The following FLRT2 variants were observed in gnomAD, a reference collection of about 807,000 sequenced individuals.
FLRT2 encodes the protein fibronectin leucine rich transmembrane protein 2, also known as leucine-rich repeat transmembrane protein FLRT2.
Under a neutral mutation model 40.0 loss-of-function variants are expected in FLRT2, and 15 were observed. The ratio of observed to expected loss-of-function variants is 0.38; its 90% confidence interval spans 0.25 to 0.58. The LOEUF (loss-of-function observed/expected upper bound fraction) is 0.58. Ranked by LOEUF, FLRT2 falls within the 20% of genes least tolerant of loss-of-function variation. The probability of loss-of-function intolerance (pLI) is 0.71; values close to 1 mark genes in which losing one functional copy is unlikely to be tolerated. For synonymous variants in FLRT2, 380 were observed against 336.8 expected, an observed-to-expected ratio of 1.13 and a Z score of -1.41; for missense variants, 726 against 840.0, an observed-to-expected ratio of 0.86 and a Z score of 1.68.
rs1252425204 is a variant in FLRT2 at position 85,638,010 on chromosome 14, T to C, written c.*14513T>C. The C allele has an allele frequency of 1.3e-5, 2 of 152,208 alleles. No individual in the cohort carries two copies. Among genetic ancestry groups the C allele is most frequent in the African/African-American group, 4.8e-5 (2 of 41,462 alleles). The allele number at this position is 152,208 out of a possible 1,614,324, so 9.4% of individuals were successfully genotyped here. ...ATACCAGGCATCACTACAAAATGTA[T>C]ACACATTACCTAGATTTTCAAGAAG... On this transcript the variant is annotated 3_prime_UTR_variant, in exon 2 of 2. Coordinates refer to ENST00000330753, the MANE Select transcript of FLRT2 (RefSeq NM_013231.6).
intron 1 of FLRT2, among the ~76,000 whole-genome samples, chr14:85,564,878 T>C (rs1420360614): frequency 6.6e-6 from 1 of 152,224 alleles, no homozygotes; most frequent in Non-Finnish European, 1.5e-5. Context: ...ATTTATCATG[T>C]GATCACTAGT....
chr14:85,550,130 C>T (rs1302969878), intron 1 of FLRT2, among the ~76,000 whole-genome samples: 1 of 152,094 alleles, frequency 6.6e-6, no homozygotes, highest in Non-Finnish European at 1.5e-5. Flanking sequence ...AGAGAAAGTG[C>T]TCTTAAAAAC....
intron 1 of FLRT2, among the ~76,000 whole-genome samples, chr14:85,593,658 G>T (rs1019562663): frequency 1.3e-5 from 2 of 152,028 alleles, no homozygotes; most frequent in African/African-American, 4.8e-5. Flanking sequence ...GTTTCTTTTG[G>T]CTATTTAGCA....
chr14:85,596,378 A>G (rs560283893), intron 1 of FLRT2, among the ~76,000 whole-genome samples: 1 of 152,196 alleles, frequency 6.6e-6, no homozygotes, highest in Admixed American at 6.5e-5. Context: ...TACACTTTTC[A>G]TGTCGCTCTG....
In FLRT2 at chr14:85,622,504, A is replaced by G. The variant is rs17121377; in HGVS notation, c.990A>G (p.Ser330=). 4.4e-3 allele frequency: 7,052 copies of G among 1,614,052 alleles called. 284 individuals carry two copies. The African/African-American group carries it at 0.083, about 19-fold the overall frequency. ...WVTEWLKYIP[S]SLNVRGFMCQ... ...CAGAATGGCTCAAATATATCCCTTCATCTCTCAACGTGCGGGGTTTCATGT... is the reference window on the plus strand; with the variant it reads ...CAGAATGGCTCAAATATATCCCTTCGTCTCTCAACGTGCGGGGTTTCATGT... The change falls in exon 2 of 2, where the codon TCA becomes TCG. Residue 330 remains serine, a synonymous_variant. Transcript: ENST00000330753.
chr14:85,560,568 G>A (rs1280082890), intron 1 of FLRT2, among the ~76,000 whole-genome samples: 3 of 151,646 alleles, frequency 2.0e-5, no homozygotes, highest in Non-Finnish European at 2.9e-5. Flanking sequence ...GCTGCAGAGC[G>A]AGACTCCATC....
In FLRT2 at chr14:85,648,562, G is replaced by A. The variant is rs1894361782; in HGVS notation, c.*25065G>A. The A allele has an allele frequency of 6.6e-6, 1 of 152,176 alleles. No individual in the cohort carries two copies. Among genetic ancestry groups the A allele is most frequent in the South Asian group, 2.1e-4 (1 of 4,832 alleles). 9.4% of individuals were successfully genotyped at this position (152,176 alleles called of 1,614,324 possible). On this transcript the variant is annotated 3_prime_UTR_variant, in exon 2 of 2. Coordinates refer to ENST00000330753, the MANE Select transcript of FLRT2 (RefSeq NM_013231.6). ...CTGATTCCCAGAGAGCAATCACTCA[G>A]ATGTGCTCTTGTACTTAATACTTCC...
At chr14:85,558,346 A>G (rs561078199) in intron 1 of FLRT2, among the ~76,000 whole-genome samples, 3 of 152,312 alleles carry the variant, frequency 2.0e-5, no homozygotes, top group African/African-American at 7.2e-5. Flanking sequence ...TTTTAAAAAA[A>G]GTAAATAAGG....
rs2139369316 is a variant in FLRT2, at chr14:85,621,471, T to G, written c.-44T>G. 1 of 1,526,378 alleles carries G rather than the reference T, an allele frequency of 6.6e-7. No individual in the cohort carries two copies. The highest frequency in any genetic ancestry group is 2.3e-5 in the East Asian group (1 of 44,154). 94.6% of individuals were successfully genotyped at this position (1,526,378 alleles called of 1,614,324 possible). On this transcript the variant is annotated 5_prime_UTR_variant, in exon 2 of 2. Transcript: ENST00000330753. ...TTTTGCTGTTTATTTTTTTTTTCTT[T>G]TTCTTTTTCCCACCACATTGTATTT... is the stretch of plus-strand genomic sequence containing the variant.
chr14:85,626,896 T>C lies in FLRT2; in HGVS notation c.*3399T>C, dbSNP rs1052165928. ...CATTTTCTACTAGCACCTATCATAA[T>C]GGTCTTAGTCATTTCACACAAATCA... On this transcript the variant is annotated 3_prime_UTR_variant, in exon 2 of 2. Transcript: ENST00000330753. The C allele has an allele frequency of 4.2e-5, 7 of 167,126 alleles. No homozygotes were observed. In the Admixed American group the frequency reaches 4.6e-4, roughly 11 times the overall value. The allele number at this position is 167,126 out of a possible 1,614,324, so 10.4% of individuals were successfully genotyped here. A position where few individuals can be genotyped will look rare whatever the true frequency, so the allele number is the denominator to read the frequency against.
Position 85,639,942 on chromosome 14 carries a change from G to A in FLRT2, c.*16445G>A, listed in dbSNP as rs999698526. ...CGACTCACTGCAAGCTCCGCCTTCC[G>A]AGTTCACACCATTCTCCTGCCTCAG... On this transcript the variant is annotated 3_prime_UTR_variant, in exon 2 of 2. Coordinates refer to ENST00000330753, the MANE Select transcript of FLRT2 (RefSeq NM_013231.6). 3.5e-5 allele frequency: 5 copies of A among 141,182 alleles called. No individual in the cohort carries two copies. Among genetic ancestry groups the A allele is most frequent in the Non-Finnish European group, 1.5e-5 (1 of 66,634 alleles). 8.7% of individuals were successfully genotyped at this position (141,182 alleles called of 1,614,324 possible). A position where few individuals can be genotyped will look rare whatever the true frequency, so the allele number is the denominator to read the frequency against.
intron 1 of FLRT2, among the ~76,000 whole-genome samples, chr14:85,614,373 AT>A (rs11291824): frequency 0.85 from 127,494 of 150,268 alleles, 54,158 homozygotes; most frequent in East Asian, 0.93. Context: ...CCCCTTTGAA[AT>A]TAAAAAAAAA....
chr14:85,592,522 G>T (rs536388715), intron 1 of FLRT2, among the ~76,000 whole-genome samples: 1 of 152,062 alleles, frequency 6.6e-6, no homozygotes, highest in Admixed American at 6.6e-5. Flanking sequence ...GTGCAGTGGC[G>T]CAACGGCTGT....
At chr14:85,573,225 G>A (rs1219402077) in intron 1 of FLRT2, among the ~76,000 whole-genome samples, 2 of 151,536 alleles carry the variant, frequency 1.3e-5, no homozygotes, top group Non-Finnish European at 2.9e-5. Context: ...GCTAAGAGAG[G>A]GAGACCCTCC....
Position 85,623,327 on chromosome 14 carries a change from A to T in FLRT2, c.1813A>T (p.Thr605Ser). 6.6e-7 allele frequency: 1 copy of T among 1,516,144 alleles called. No homozygotes were observed. The highest frequency in any genetic ancestry group is 8.8e-7 in the Non-Finnish European group (1 of 1,133,468). The allele number at this position is 1,516,144 out of a possible 1,614,324, so 93.9% of individuals were successfully genotyped here. Residue 605 changes from threonine to serine, a missense_variant, in exon 2 of 2, where the codon ACC (threonine) becomes TCC (serine). By Grantham distance (58) the Thr-to-Ser change is moderately conservative. Around this residue, in one of 3 missense-constraint regions of FLRT2, gnomAD observed 611 missense variants for 690.0 expected, o/e 0.89. Transcript: ENST00000330753. ...KDNSILEMTE[T>S]SFQIVSLNND... ...CAACTCCATCCTGGAGATGACAGAA[A>T]CCAGTTTTCAGATCGTCTCCTTAAA...
At chr14:85,585,610 G>T (rs1010206373) in intron 1 of FLRT2, among the ~76,000 whole-genome samples, 1 of 152,154 alleles carries the variant, frequency 6.6e-6, no homozygotes, top group African/African-American at 2.4e-5. Context: ...ATGCATGTGC[G>T]TGTGTATAGA....
At position 85,636,400 on chromosome 14, in the gene FLRT2, A is replaced by AC. The variant is rs1555373236; in HGVS notation, c.*12903_*12904insC. 6 of 145,616 alleles carry AC rather than the reference A, an allele frequency of 4.1e-5. No individual in the cohort carries two copies. Among genetic ancestry groups the AC allele is most frequent in the South Asian group, 2.2e-4 (1 of 4,498 alleles). The allele number at this position is 145,616 out of a possible 1,614,324, so 9.0% of individuals were successfully genotyped here. A position where few individuals can be genotyped will look rare whatever the true frequency, so the allele number is the denominator to read the frequency against. ...GTGAAGTCACCTGCAGAAAAAAAAA[A>AC]AAAAAAAACAAAAAACATTCTTATT... On this transcript the variant is annotated 3_prime_UTR_variant, in exon 2 of 2. Coordinates refer to ENST00000330753, the MANE Select transcript of FLRT2 (RefSeq NM_013231.6).
intron 1 of FLRT2, among the ~76,000 whole-genome samples, chr14:85,609,529 A>G (rs533156693): frequency 9.8e-4 from 149 of 152,278 alleles, no homozygotes; most frequent in Middle Eastern, 3.4e-3. Flanking sequence ...TTCACCGGGA[A>G]TTTGTTTCAT....
At chr14:85,547,338 T>C (rs1889336617) in intron 1 of FLRT2, among the ~76,000 whole-genome samples, 1 of 151,454 alleles carries the variant, frequency 6.6e-6, no homozygotes, top group African/African-American at 2.4e-5. Context: ...TTTTTTTTTT[T>C]TTGAGATGGA....
Sources: gnomAD v4.1 joint callset for allele counts (sites outside exome capture counted in the v4.1 genomes callset) on GRCh38, gnomAD v4.1.1 for gene constraint, gnomAD v4.1.1 regional missense constraint, MANE v1.5 for transcripts, NCBI Gene and HGNC (gene_info 2026-07-23, HGNC 2026-07-21) for gene names.